ROBO2: variants seen among roughly 807,000 people sequenced by gnomAD.
ROBO2 encodes the protein roundabout guidance receptor 2.
A neutral mutation model predicts 160.8 loss-of-function variants in ROBO2; 53 were observed. The observed-to-expected ratio is 0.33, with a 90% CI of 0.26 to 0.41. The LOEUF is 0.41. Ranked by LOEUF, ROBO2 falls within the 10% of genes least tolerant of loss-of-function variation. ROBO2 has a pLI of 1.00. For missense variants in ROBO2, 1,577 were observed against 1,722.4 expected, an observed-to-expected ratio of 0.92 and a Z score of 1.49; for synonymous variants, 664 against 611.7, an observed-to-expected ratio of 1.09 and a Z score of -1.26.
chr3:77,283,050 T>A (rs1036294311), intron 2 of ROBO2, among the ~76,000 whole-genome samples: 6 of 152,170 alleles, frequency 3.9e-5, no homozygotes, highest in African/African-American at 1.2e-4. Flanking sequence ...TGTTGTTTTT[T>A]AAAACATTAT....
At chr3:75,973,412 A>G (rs2065048822) in intron 2 of ROBO2, among the ~76,000 whole-genome samples, 1 of 151,660 alleles carries the variant, frequency 6.6e-6, no homozygotes, top group Non-Finnish European at 1.5e-5. Context: ...ACACAATAAT[A>G]TGGTTAAACA....
intron 2 of ROBO2, among the ~76,000 whole-genome samples, chr3:76,832,906 G>C (rs2067210963): frequency 1.3e-5 from 2 of 152,120 alleles, no homozygotes; most frequent in African/African-American, 4.8e-5. Context: ...CTTTATCAGA[G>C]AGAAAACATG....
At chr3:76,441,310 T>C (rs1221630510) in intron 2 of ROBO2, among the ~76,000 whole-genome samples, 2 of 152,174 alleles carry the variant, frequency 1.3e-5, no homozygotes, top group Non-Finnish European at 2.9e-5. Flanking sequence ...GGTAAACCTA[T>C]GAATAATATA....
rs528262195 is a variant in ROBO2, at chr3:76,129,831, C to T, written c.109+192229C>T. 2.6e-5 allele frequency among the ~76,000 whole-genome samples: 4 copies of T among 151,992 alleles called. No individual in the cohort carries two copies. In the South Asian group the frequency reaches 6.2e-4, roughly 24 times the overall value. ...CATCAATTGTCAGGGAGTTACATCT[C>T]GATTCCCGTCCTAGCACCAGGATAT... On this transcript the variant is annotated intron_variant, in intron 2 of 26. Transcript: ENST00000487694.
chr3:76,188,216 C>A (rs1701850006), intron 2 of ROBO2, among the ~76,000 whole-genome samples: 2 of 151,890 alleles, frequency 1.3e-5, no homozygotes, highest in Non-Finnish European at 2.9e-5. Flanking sequence ...TGAATGTGAC[C>A]TTTTTGGAAA....
At chr3:76,237,315 A>T (rs1705005636) in intron 2 of ROBO2, among the ~76,000 whole-genome samples, 1 of 152,230 alleles carries the variant, frequency 6.6e-6, no homozygotes, top group African/African-American at 2.4e-5. Context: ...GCCAAGCTAT[A>T]ATCATTAATG....
intron 3 of ROBO2, among the ~76,000 whole-genome samples, chr3:77,478,863 A>G (rs1418443108): frequency 1.3e-5 from 2 of 152,196 alleles, no homozygotes; most frequent in African/African-American, 4.8e-5. Flanking sequence ...TCTGGTATAG[A>G]GGCAAAGATA....
chr3:77,408,131 T>C (rs1194998969), intron 2 of ROBO2, among the ~76,000 whole-genome samples: 1 of 152,042 alleles, frequency 6.6e-6, no homozygotes, highest in East Asian at 1.9e-4. Context: ...AAACCTTCCA[T>C]GAACTGCATT....
At position 76,611,668 on chromosome 3, in the gene ROBO2, TAGTC is replaced by T. The variant is rs537043358; in HGVS notation, c.110-486345_110-486342del. ...ATTGAGATATTCTCTCTTTATGTCT[TAGTC>T]TGGCTAAAGTTTTGTCGATTTTATT... is the stretch of plus-strand genomic sequence containing the variant. On this transcript the variant is annotated intron_variant, in intron 2 of 26. Coordinates refer to the ROBO2 transcript ENST00000487694. Among the ~76,000 whole-genome samples the T allele has an allele frequency of 1.2e-3, 179 of 152,334 alleles. 3 individuals are homozygous for T. Among genetic ancestry groups the T allele is most frequent in the African/African-American group, 4.2e-3 (174 of 41,592 alleles).
chr3:76,529,716 A>G (rs2082125459), intron 2 of ROBO2, among the ~76,000 whole-genome samples: 5 of 152,192 alleles, frequency 3.3e-5, no homozygotes, highest in Admixed American at 2.6e-4. Context: ...TGATAATTTA[A>G]GATATCAGTG....
At chr3:77,200,287 A>G (rs2082742462) in intron 2 of ROBO2, among the ~76,000 whole-genome samples, 1 of 52,458 alleles carries the variant, frequency 1.9e-5, no homozygotes, top group Non-Finnish European at 3.5e-5. Context: ...ATATATATAT[A>G]TATATATATA....
At chr3:77,020,877 A>G (rs945601883) in intron 2 of ROBO2, among the ~76,000 whole-genome samples, 2 of 152,118 alleles carry the variant, frequency 1.3e-5, no homozygotes, top group Admixed American at 1.3e-4. Flanking sequence ...CAGTGGGAAA[A>G]GATACTAAAC....
intron 2 of ROBO2, among the ~76,000 whole-genome samples, chr3:76,276,388 T>A (rs1707922890): frequency 6.6e-6 from 1 of 152,068 alleles, no homozygotes; most frequent in African/African-American, 2.4e-5. Flanking sequence ...ACTAGCCATA[T>A]TTCAAAAGCT....
chr3:77,180,523 C>A (rs1423564106), intron 2 of ROBO2, among the ~76,000 whole-genome samples: 1 of 147,770 alleles, frequency 6.8e-6, no homozygotes, highest in South Asian at 2.1e-4. Context: ...GCAACCTTCA[C>A]CTCCTGGGTT....
intron 2 of ROBO2, among the ~76,000 whole-genome samples, chr3:77,000,086 G>A (rs1297466298): frequency 1.1e-4 from 16 of 151,990 alleles, no homozygotes; most frequent in Admixed American, 9.2e-4. Flanking sequence ...GAGATGACCT[G>A]ATTAATGTCC....
chr3:76,511,556 A>T (rs2107756663), intron 2 of ROBO2, among the ~76,000 whole-genome samples: 1 of 152,342 alleles, frequency 6.6e-6, no homozygotes, highest in South Asian at 2.1e-4. Context: ...TAAACATAAA[A>T]CACTTTTTTG....
intron 2 of ROBO2, among the ~76,000 whole-genome samples, chr3:77,132,389 T>A (rs1250472503): frequency 6.6e-6 from 1 of 151,936 alleles, no homozygotes; most frequent in Non-Finnish European, 1.5e-5. Context: ...AATATGGGTT[T>A]TTTTTGGTGT....
intron 2 of ROBO2, among the ~76,000 whole-genome samples, chr3:77,099,071 C>CTTTCT (rs1466739912): frequency 1.6e-5 from 2 of 121,250 alleles, no homozygotes; most frequent in East Asian, 5.2e-4. Flanking sequence ...TTCTTTCTTT[C>CTTTCT]TTTTTTTTTT....
intron 2 of ROBO2, among the ~76,000 whole-genome samples, chr3:77,325,549 T>C (rs990054940): frequency 1.6e-4 from 24 of 152,160 alleles, no homozygotes; most frequent in African/African-American, 5.5e-4. Context: ...CTTAGAGCTG[T>C]CAGGAGGCAA....
Sources: allele counts gnomAD v4.1 joint callset (sites outside exome capture counted in the v4.1 genomes callset), GRCh38; gene constraint gnomAD v4.1.1; transcripts MANE v1.5; gene names NCBI Gene and HGNC (gene_info 2026-07-23, HGNC 2026-07-21).